The following ELP4 variants were observed in gnomAD, a reference collection of about 807,000 sequenced individuals.
The protein encoded by ELP4 is elongator acetyltransferase complex subunit 4, also known as elongator complex protein 4.
Under a neutral mutation model 48.9 loss-of-function variants are expected in ELP4, and 51 were observed. The observed-to-expected ratio is 1.04, with a 90% CI of 0.83 to 1.32. The LOEUF is 1.32. Among genes scored for constraint, ELP4 ranks in the 40% most tolerant of loss-of-function variants. The probability of loss-of-function intolerance (pLI) is 0.00; values close to 1 mark genes in which losing one functional copy is unlikely to be tolerated. For synonymous variants in ELP4, 210 were observed against 189.2 expected, an observed-to-expected ratio of 1.11 and a Z score of -0.90; for missense variants, 519 against 514.6, an observed-to-expected ratio of 1.01 and a Z score of -0.08.
chr11:31,672,033 G>A (rs1323674929), intron 9 of ELP4, among the ~76,000 whole-genome samples: 1 of 151,920 alleles, frequency 6.6e-6, no homozygotes, highest in Non-Finnish European at 1.5e-5. Flanking sequence ...GTTTTTCTGG[G>A]GGGAGCTTAG....
At chr11:31,565,292 G>C (rs2133947971) in intron 3 of ELP4, among the ~76,000 whole-genome samples, 1 of 152,216 alleles carries the variant, frequency 6.6e-6, no homozygotes, top group Middle Eastern at 3.4e-3. Flanking sequence ...CAGATGAGTA[G>C]ATTGCAAAAA....
At chr11:31,555,889 A>G (rs1956923683) in intron 3 of ELP4, among the ~76,000 whole-genome samples, 1 of 151,960 alleles carries the variant, frequency 6.6e-6, no homozygotes, top group Admixed American at 6.6e-5. Flanking sequence ...AAAACCAAGG[A>G]GTTAACAGTG....
chr11:31,657,838 C>T (rs188954629), intron 9 of ELP4, among the ~76,000 whole-genome samples: 1 of 152,022 alleles, frequency 6.6e-6, no homozygotes, highest in Non-Finnish European at 1.5e-5. Context: ...TTCACAAACT[C>T]TGTTAATTAT....
At chr11:31,668,475 A>C (rs910754149) in intron 9 of ELP4, among the ~76,000 whole-genome samples, 1 of 151,730 alleles carries the variant, frequency 6.6e-6, no homozygotes, top group Non-Finnish European at 1.5e-5. Context: ...TTTTCCAGTA[A>C]TGTGTTGTAA....
chr11:31,703,896 A>G (rs1329738897), intron 9 of ELP4, among the ~76,000 whole-genome samples: 14 of 152,212 alleles, frequency 9.2e-5, no homozygotes, highest in Admixed American at 8.5e-4. Context: ...TGAAACTGGT[A>G]AACATTTCAA....
intron 9 of ELP4, among the ~76,000 whole-genome samples, chr11:31,733,607 A>C (rs73475696): frequency 0.017 from 2,580 of 152,266 alleles, 75 homozygotes; most frequent in African/African-American, 0.059. Flanking sequence ...ATCATGTGGA[A>C]AACAATGGAT....
intron 3 of ELP4, among the ~76,000 whole-genome samples, chr11:31,544,576 A>G (rs979768061): frequency 6.6e-6 from 1 of 152,232 alleles, no homozygotes; most frequent in Non-Finnish European, 1.5e-5. Context: ...GGGGCAGGGC[A>G]CAGACAAACA....
intron 3 of ELP4, among the ~76,000 whole-genome samples, chr11:31,553,027 C>A (rs929158298): frequency 1.3e-5 from 2 of 152,118 alleles, no homozygotes; most frequent in African/African-American, 4.8e-5. Flanking sequence ...CCTAATCTAA[C>A]TACCCTAATA....
intron 9 of ELP4, among the ~76,000 whole-genome samples, chr11:31,755,762 C>T (rs1232622237): frequency 6.6e-6 from 1 of 151,464 alleles, no homozygotes; most frequent in Non-Finnish European, 1.5e-5. Flanking sequence ...TATTAGTGGA[C>T]CTGGACCTGG....
At chr11:31,559,103 G>A (rs972221687) in intron 3 of ELP4, among the ~76,000 whole-genome samples, 1 of 152,098 alleles carries the variant, frequency 6.6e-6, no homozygotes, top group Admixed American at 6.6e-5. Context: ...AAGGAAAAAG[G>A]CAGCACACTG....
chr11:31,550,552 T>A (rs1434063363), intron 3 of ELP4, among the ~76,000 whole-genome samples: 1 of 152,220 alleles, frequency 6.6e-6, no homozygotes. Flanking sequence ...TAGTCTTTTT[T>A]ACTTTAACTG....
intron 9 of ELP4, among the ~76,000 whole-genome samples, chr11:31,717,084 A>G (rs926796298): frequency 6.6e-6 from 1 of 152,112 alleles, no homozygotes; most frequent in Non-Finnish European, 1.5e-5. Context: ...GGCAGCAGGA[A>G]AAAAAAATGA....
chr11:31,736,564 T>TC (rs1318203140), intron 9 of ELP4, among the ~76,000 whole-genome samples: 1 of 151,964 alleles, frequency 6.6e-6, no homozygotes, highest in Non-Finnish European at 1.5e-5. Context: ...AGAAAATTTT[T>TC]GCAACCTACT....
At chr11:31,544,117 TCATCTCACTA>T in intron 3 of ELP4, among the ~76,000 whole-genome samples, 1 of 152,218 alleles carries the variant, frequency 6.6e-6, no homozygotes, top group Admixed American at 6.5e-5. Context: ...GGTACCAGGT[TCATCTCACTA>T]GGGAGTGCCA....
chr11:31,746,004 C>A (rs1947581060), intron 9 of ELP4, among the ~76,000 whole-genome samples: 1 of 152,124 alleles, frequency 6.6e-6, no homozygotes, highest in Non-Finnish European at 1.5e-5. Context: ...TGACAAAGGG[C>A]TGATATCCAG....
At chr11:31,524,130 T>C (rs1178358808) in intron 2 of ELP4, among the ~76,000 whole-genome samples, 2 of 152,200 alleles carry the variant, frequency 1.3e-5, no homozygotes, top group East Asian at 3.9e-4. Flanking sequence ...CAGTGTACTT[T>C]TATATTACTT....
chr11:31,574,972 C>T (rs1042382151), intron 3 of ELP4, among the ~76,000 whole-genome samples: 1 of 152,114 alleles, frequency 6.6e-6, no homozygotes, highest in South Asian at 2.1e-4. Context: ...TTCAGACAAT[C>T]GGTAATAATA....
intron 9 of ELP4, chr11:31,767,634 C>A (rs1041862307): frequency 1.3e-5 from 2 of 152,154 alleles, no homozygotes; most frequent in African/African-American, 4.8e-5. Flanking sequence ...TATATACTCA[C>A]AAATACTTTT....
At position 31,632,304 on chromosome 11, in the gene ELP4, G is replaced by A. The variant is rs370814420; in HGVS notation, c.826G>A (p.Gly276Ser). ...CGATATTTGCTGTGCAGAAAATGGT[G>A]GCAACAGTCACAGCCTTACCAAGTT... ...GDDICCAENG[G>S]NSHSLTKFLY... The change falls in exon 7 of 10, where the codon GGC becomes AGC. Residue 276 changes from glycine to serine, a missense_variant. Transcript: ENST00000640961. 4.7e-5 allele frequency: 76 copies of A among 1,612,930 alleles called. No homozygotes were observed. The highest frequency in any genetic ancestry group is 6.3e-5 in the Non-Finnish European group (74 of 1,179,510).
Sources: allele counts gnomAD v4.1 joint callset (sites outside exome capture counted in the v4.1 genomes callset), GRCh38; gene constraint gnomAD v4.1.1; transcripts MANE v1.5; gene names NCBI Gene and HGNC (gene_info 2026-07-23, HGNC 2026-07-21).